Variants in MLLT10 observed in about 807,000 individuals in gnomAD.
The protein encoded by MLLT10 is protein AF-10.
Under a neutral mutation model 129.1 loss-of-function variants are expected in MLLT10, and 30 were observed. That is an observed-to-expected ratio of 0.23 (90% CI 0.17 to 0.32). The LOEUF (loss-of-function observed/expected upper bound fraction) is 0.32. Among genes scored for constraint, MLLT10 ranks in the 10% least tolerant of loss-of-function variants. The pLI, the probability that MLLT10 is intolerant of heterozygous loss-of-function variation, is 1.00. For synonymous variants in MLLT10, 490 were observed against 446.4 expected (o/e 1.10, Z -1.23); for missense variants, 1,119 against 1,268.3 (o/e 0.88, Z 1.79).
intron 11 of MLLT10, among the ~76,000 whole-genome samples, chr10:21,674,499 T>G (rs1053737098): frequency 2.6e-5 from 4 of 152,192 alleles, no homozygotes; most frequent in Admixed American, 1.3e-4. Flanking sequence ...TCAAATATAC[T>G]TCATGATTTT....
chr10:21,662,623 C>CAT (rs2050326060), intron 9 of MLLT10, among the ~76,000 whole-genome samples: 1 of 152,134 alleles, frequency 6.6e-6, no homozygotes, highest in Non-Finnish European at 1.5e-5. Flanking sequence ...AATTCCTTAT[C>CAT]ATATTAATTA....
At chr10:21,556,225 A>C (rs570435784) in intron 3 of MLLT10, among the ~76,000 whole-genome samples, 2 of 152,274 alleles carry the variant, frequency 1.3e-5, no homozygotes, top group African/African-American at 4.8e-5. Flanking sequence ...GGCCTCCCAA[A>C]GTGCTGGGAT....
chr10:21,719,346 G>A (rs1201171215), intron 14 of MLLT10, among the ~76,000 whole-genome samples: 12 of 152,050 alleles, frequency 7.9e-5, no homozygotes, highest in Non-Finnish European at 1.5e-5. Context: ...AATTTTAAGG[G>A]AATTACCTTT....
chr10:21,673,953 A>G, intron 11 of MLLT10, 34 bp downstream of exon 11: 2 of 1,471,662 alleles, frequency 1.4e-6, no homozygotes. Flanking sequence ...TTTCTCCTTC[A>G]CTCCCACCAC....
intron 8 of MLLT10, chr10:21,624,729 T>C: frequency 7.7e-7 from 1 of 1,296,424 alleles, no homozygotes; most frequent in Admixed American, 1.8e-5. Context: ...TGTTTGTTGG[T>C]CTGACGATGC....
At chr10:21,741,053 GT>G (rs1326089222) in intron 22 of MLLT10, among the ~76,000 whole-genome samples, 1 of 152,170 alleles carries the variant, frequency 6.6e-6, no homozygotes, top group Non-Finnish European at 1.5e-5. Flanking sequence ...TACTTTGAAA[GT>G]TTTGTTTACT....
chr10:21,651,033 GGTTGT>G (rs1171797539), intron 8 of MLLT10, among the ~76,000 whole-genome samples: 8 of 133,062 alleles, frequency 6.0e-5, no homozygotes, highest in African/African-American at 8.4e-5. Flanking sequence ...AGTATTTGGT[GGTTGT>G]GTTGTTTTGT....
At chr10:21,690,162 A>G (rs1419718938) in intron 13 of MLLT10, among the ~76,000 whole-genome samples, 1 of 152,090 alleles carries the variant, frequency 6.6e-6, no homozygotes. Flanking sequence ...AATCAGGTTT[A>G]TTTTAAAATA....
intron 13 of MLLT10, among the ~76,000 whole-genome samples, chr10:21,687,274 C>G (rs1053355732): frequency 6.6e-6 from 1 of 152,192 alleles, no homozygotes. Context: ...GCTTGTCAGA[C>G]TAGTTTATAA....
intron 6 of MLLT10, among the ~76,000 whole-genome samples, chr10:21,613,192 C>CA (rs993493277): frequency 0.1 from 2,533 of 24,330 alleles, 262 homozygotes; most frequent in Admixed American, 0.15. Context: ...GACTCTGTCT[C>CA]AAAAAAAAAA....
chr10:21,625,661 G>C (rs747833368), intron 8 of MLLT10: 6 of 763,130 alleles, frequency 7.9e-6, no homozygotes, highest in Non-Finnish European at 1.2e-5. Flanking sequence ...TTCTTCCAGA[G>C]TGTTTTCTTT....
At chr10:21,584,482 T>A (rs1010107132) in intron 3 of MLLT10, among the ~76,000 whole-genome samples, 11 of 152,158 alleles carry the variant, frequency 7.2e-5, no homozygotes, top group South Asian at 2.1e-4. Context: ...TATTTTTTTT[T>A]AAATTATTTT....
At chr10:21,732,313 A>T (rs1265271509) in intron 17 of MLLT10, among the ~76,000 whole-genome samples, 1 of 152,212 alleles carries the variant, frequency 6.6e-6, no homozygotes, top group Non-Finnish European at 1.5e-5. Context: ...TTTACAGGGG[A>T]TGCGCCTTTC....
intron 11 of MLLT10, among the ~76,000 whole-genome samples, chr10:21,680,366 C>T (rs1196038204): frequency 2.0e-5 from 3 of 151,718 alleles, no homozygotes; most frequent in African/African-American, 4.8e-5. Context: ...CCACCATGCC[C>T]GGCTAATTTT....
At chr10:21,661,682 G>C (rs768044568) in intron 9 of MLLT10, 1 of 152,058 alleles carries the variant, frequency 6.6e-6, no homozygotes, top group Non-Finnish European at 1.5e-5. Flanking sequence ...TTGCACAGGG[G>C]TCCTACTAAT....
intron 8 of MLLT10, among the ~76,000 whole-genome samples, chr10:21,628,880 C>T (rs563220713): frequency 6.6e-6 from 1 of 151,716 alleles, no homozygotes; most frequent in East Asian, 1.9e-4. Flanking sequence ...TCCGCATTAG[C>T]TGGGACTACA....
At chr10:21,587,018 G>A (rs1436707636) in intron 4 of MLLT10, among the ~76,000 whole-genome samples, 1 of 147,718 alleles carries the variant, frequency 6.8e-6, no homozygotes, top group Non-Finnish European at 1.5e-5. Context: ...CTTTTTTTCT[G>A]TTTTGTGTAT....
chr10:21,653,756 C>G (rs937672677), intron 9 of MLLT10, among the ~76,000 whole-genome samples: 2 of 152,136 alleles, frequency 1.3e-5, no homozygotes, highest in Non-Finnish European at 2.9e-5. Context: ...TATTAGACAT[C>G]TGAGTAGATA....
At position 21,550,999 on chromosome 10, in the gene MLLT10, A is replaced by G. The variant is rs1277626152; in HGVS notation, c.240+12087A>G. Among the ~76,000 whole-genome samples the G allele has an allele frequency of 3.3e-5, 5 of 150,934 alleles. No individual in the cohort carries two copies. In the South Asian group the frequency reaches 6.3e-4, roughly 19 times the overall value. Reference sequence around the variant, plus strand: ...AGTGGTACGATCTTAGCTCACTGCAACCTCTGCCTCCCAGGTTCAAGTGTT... The same window carrying G: ...AGTGGTACGATCTTAGCTCACTGCAGCCTCTGCCTCCCAGGTTCAAGTGTT... On this transcript the variant is annotated intron_variant, in intron 3 of 22. Coordinates refer to ENST00000307729, the MANE Select transcript of MLLT10 (RefSeq NM_001195626.3).
Sources: gnomAD v4.1 joint callset for allele counts (sites outside exome capture counted in the v4.1 genomes callset) on GRCh38, gnomAD v4.1.1 for gene constraint, MANE v1.5 for transcripts, NCBI Gene and HGNC (gene_info 2026-07-23, HGNC 2026-07-21) for gene names.